SEPTIN7: variants seen among roughly 807,000 people sequenced by gnomAD.
SEPTIN7 encodes septin-7.
SEPTIN7 carries 10 observed loss-of-function variants against 63.3 expected under a neutral mutation model. The ratio of observed to expected loss-of-function variants is 0.16; its 90% CI spans 0.10 to 0.27. SEPTIN7 has a LOEUF of 0.27. Ranked by LOEUF, SEPTIN7 falls within the 10% of genes least tolerant of loss-of-function variation. SEPTIN7 has a pLI of 1.00. For missense variants in SEPTIN7, 310 were observed against 521.0 expected (o/e 0.59, Z 3.94); for synonymous variants, 131 against 165.3 (o/e 0.79, Z 1.59).
chr7:35,830,650 G>T (rs1014850951), intron 1 of SEPTIN7, among the ~76,000 whole-genome samples: 3 of 152,064 alleles, frequency 2.0e-5, no homozygotes, highest in Admixed American at 6.6e-5. Context: ...TAAAACTGGG[G>T]TTTTGTTTAT....
chr7:35,813,108 A>G (rs1222430236), intron 1 of SEPTIN7, among the ~76,000 whole-genome samples: 1 of 152,162 alleles, frequency 6.6e-6, no homozygotes, highest in African/African-American at 2.4e-5. Flanking sequence ...CAAACCCTTT[A>G]TGTTAATTGT....
intron 2 of SEPTIN7, 106 bp from the exon 3 acceptor site, chr7:35,832,692 G>T: frequency 1.3e-6 from 1 of 748,832 alleles, no homozygotes. Context: ...GATTTGCTGT[G>T]AATAATAGTA....
chr7:35,893,018 T>C (rs1403451601), intron 11 of SEPTIN7, among the ~76,000 whole-genome samples: 1 of 152,184 alleles, frequency 6.6e-6, no homozygotes, highest in Non-Finnish European at 1.5e-5. Context: ...TGACATTGTC[T>C]TGAAAATGTT....
intron 3 of SEPTIN7, among the ~76,000 whole-genome samples, chr7:35,838,813 G>C (rs933287674): frequency 6.6e-6 from 1 of 152,084 alleles, no homozygotes; most frequent in Non-Finnish European, 1.5e-5. Flanking sequence ...TCTTAAATCC[G>C]TATGGTTTTT....
At chr7:35,886,383 A>G (rs2116308854) in intron 10 of SEPTIN7, among the ~76,000 whole-genome samples, 1 of 152,186 alleles carries the variant, frequency 6.6e-6, no homozygotes, top group South Asian at 2.1e-4. Flanking sequence ...AAGAGAAGGA[A>G]AGCCTATGGG....
At chr7:35,885,918 T>A in intron 10 of SEPTIN7, 39 bp downstream of exon 10, 1 of 1,415,122 alleles carries the variant, frequency 7.1e-7, no homozygotes, top group African/African-American at 1.4e-5. Flanking sequence ...TAAGATTTTC[T>A]TTCCCTAAGT....
At chr7:35,808,107 G>C (rs1405359687) in intron 1 of SEPTIN7, among the ~76,000 whole-genome samples, 1 of 152,020 alleles carries the variant, frequency 6.6e-6, no homozygotes, top group African/African-American at 2.4e-5. Flanking sequence ...GCAAGCCACC[G>C]CACCCAGCCT....
chr7:35,859,813 G>C (rs1244815183), intron 3 of SEPTIN7, among the ~76,000 whole-genome samples: 2 of 152,002 alleles, frequency 1.3e-5, no homozygotes, highest in Non-Finnish European at 2.9e-5. Flanking sequence ...CTACCTTTCT[G>C]GTTACTATTT....
chr7:35,813,799 G>A (rs1434584953), intron 1 of SEPTIN7, among the ~76,000 whole-genome samples: 2 of 152,132 alleles, frequency 1.3e-5, no homozygotes, highest in South Asian at 2.1e-4. Context: ...GACATGATGA[G>A]TAACTTGGGA....
intron 1 of SEPTIN7, among the ~76,000 whole-genome samples, chr7:35,801,596 G>C (rs1331655837): frequency 6.6e-6 from 1 of 152,142 alleles, no homozygotes; most frequent in Non-Finnish European, 1.5e-5. Flanking sequence ...CCCTGCCCTT[G>C]CTTCTCTCCG....
At chr7:35,838,307 TC>T (rs1784205454) in intron 3 of SEPTIN7, among the ~76,000 whole-genome samples, 1 of 1,338 alleles carries the variant, frequency 7.5e-4, no homozygotes, top group African/African-American at 3.4e-3. Context: ...CTTCCTTCCC[TC>T]CCTCCCTCCC....
chr7:35,846,403 A>G (rs1275488287), intron 3 of SEPTIN7, among the ~76,000 whole-genome samples: 1 of 152,164 alleles, frequency 6.6e-6, no homozygotes, highest in African/African-American at 2.4e-5. Context: ...GGCATGGTAA[A>G]GGATGTTAAC....
At chr7:35,828,003 T>C (rs1783606856) in intron 1 of SEPTIN7, among the ~76,000 whole-genome samples, 2 of 152,200 alleles carry the variant, frequency 1.3e-5, no homozygotes, top group African/African-American at 4.8e-5. Context: ...TGTCAGCACT[T>C]TGCTAAGAAC....
At chr7:35,801,772 G>C (rs1211218617) in intron 1 of SEPTIN7, among the ~76,000 whole-genome samples, 3 of 151,900 alleles carry the variant, frequency 2.0e-5, no homozygotes, top group Non-Finnish European at 2.9e-5. Flanking sequence ...TGCTGTGTGG[G>C]CCAACCCGGG....
At chr7:35,912,485 G>T in the SEPTIN7 span, among the ~76,000 whole-genome samples, 2 of 152,086 alleles carry the variant, frequency 1.3e-5, no homozygotes, top group Non-Finnish European at 2.9e-5. Context: ...TAAATATGTG[G>T]GTAAATCTCT....
chr7:35,894,039 T>A (rs929680615), intron 11 of SEPTIN7, among the ~76,000 whole-genome samples: 1 of 152,030 alleles, frequency 6.6e-6, no homozygotes, highest in African/African-American at 2.4e-5. Context: ...CAGCAAGGGT[T>A]TGTAAAGGAA....
At position 35,890,660 on chromosome 7, in the gene SEPTIN7, T is replaced by C. The variant is rs372351501; in HGVS notation, c.873-8T>C. On this transcript the variant is annotated splice_polypyrimidine_tract_variant and splice_region_variant and intron_variant, in intron 10 of 13. Transcript: ENST00000350320. ...TAGAAGCAAACTCTTGCTGTTTGTT[T>C]ATGACAGAACACACATGCAGGACTT... 9 of 1,512,468 alleles carry C rather than the reference T, an allele frequency of 6.0e-6. No homozygotes were observed. In the African/African-American group the frequency reaches 1.0e-4, roughly 17 times the overall value. The allele number at this position is 1,512,468 out of a possible 1,614,324, so 93.7% of individuals were successfully genotyped here.
chr7:35,884,022 A>G (rs373177753), intron 9 of SEPTIN7, 35 bp downstream of exon 9: 10 of 1,291,178 alleles, frequency 7.7e-6, no homozygotes, highest in Non-Finnish European at 1.1e-5. Flanking sequence ...TTTCTAAAAT[A>G]TCTCAAAACT....
At chr7:35,912,360 G>A in the SEPTIN7 span, among the ~76,000 whole-genome samples, 1 of 152,338 alleles carries the variant, frequency 6.6e-6, no homozygotes, top group Admixed American at 6.5e-5. Flanking sequence ...TCCTGCTGCA[G>A]ATAACTAGCC....
Sources: allele counts gnomAD v4.1 joint callset (sites outside exome capture counted in the v4.1 genomes callset), GRCh38; gene constraint gnomAD v4.1.1; transcripts MANE v1.5; gene names NCBI Gene and HGNC (gene_info 2026-07-23, HGNC 2026-07-21).